The following NLN variants were observed in gnomAD, a reference collection of about 807,000 sequenced individuals.
The protein encoded by NLN is neurolysin.
Under a neutral mutation model 79.9 loss-of-function variants are expected in NLN, and 64 were observed. That is an observed-to-expected ratio of 0.80 (90% CI 0.65 to 0.99). NLN has a LOEUF of 0.99. Among genes scored for constraint, NLN ranks in the 50% least tolerant of loss-of-function variants. NLN has a pLI of 0.00. For missense variants in NLN, 835 were observed against 858.7 expected, an observed-to-expected ratio of 0.97 and a Z score of 0.34; for synonymous variants, 267 against 296.6, an observed-to-expected ratio of 0.90 and a Z score of 1.02.
At chr5:65,771,376 G>A (rs991152541) in intron 3 of NLN, among the ~76,000 whole-genome samples, 6 of 152,230 alleles carry the variant, frequency 3.9e-5, no homozygotes, top group Admixed American at 6.5e-5. Context: ...CCATTTTGGC[G>A]AGAAAAATGT....
chr5:65,770,322 C>T (rs531878173), intron 3 of NLN, among the ~76,000 whole-genome samples: 1 of 152,120 alleles, frequency 6.6e-6, no homozygotes, highest in Non-Finnish European at 1.5e-5. Flanking sequence ...AGAACTACTA[C>T]AATCAATAAC....
chr5:65,748,055 G>T (rs1215120627), intron 1 of NLN, among the ~76,000 whole-genome samples: 2 of 152,216 alleles, frequency 1.3e-5, no homozygotes, highest in Non-Finnish European at 2.9e-5. Flanking sequence ...ACAAAAATTA[G>T]CTGGGCGTAG....
At chr5:65,809,476 T>G in intron 9 of NLN, 39 bp from the exon 10 acceptor site, 2 of 1,530,700 alleles carry the variant, frequency 1.3e-6, no homozygotes, top group Non-Finnish European at 1.8e-6. Flanking sequence ...TGTACTTTCA[T>G]TGAGTTCTTT....
chr5:65,803,824 C>T (rs1760347808), intron 9 of NLN, among the ~76,000 whole-genome samples: 1 of 152,178 alleles, frequency 6.6e-6, no homozygotes, highest in South Asian at 2.1e-4. Context: ...GACTTTTCTG[C>T]CTGTTCCTGG....
chr5:65,751,378 T>G (rs955213491), intron 1 of NLN, among the ~76,000 whole-genome samples: 3 of 152,244 alleles, frequency 2.0e-5, no homozygotes, highest in South Asian at 2.1e-4. Flanking sequence ...GTTGCTTTAA[T>G]GTTTTTGTCA....
intron 12 of NLN, among the ~76,000 whole-genome samples, chr5:65,818,166 T>G (rs922716839): frequency 3.9e-5 from 6 of 152,232 alleles, no homozygotes; most frequent in African/African-American, 1.4e-4. Context: ...CTTTGGGCTC[T>G]TACAGCCCTT....
chr5:65,731,658 C>A (rs1056218205), intron 1 of NLN, among the ~76,000 whole-genome samples: 1 of 150,444 alleles, frequency 6.6e-6, no homozygotes, highest in Non-Finnish European at 1.5e-5. Flanking sequence ...CAGTCTTTTC[C>A]TTTATGATTT....
At chr5:65,759,017 A>G (rs1579928434) in intron 2 of NLN, among the ~76,000 whole-genome samples, 191 bp downstream of exon 2, 1 of 152,244 alleles carries the variant, frequency 6.6e-6, no homozygotes, top group Non-Finnish European at 1.5e-5. Flanking sequence ...CTCTGATTAC[A>G]CTGCTCTCTG....
At chr5:65,771,210 C>T (rs893776510) in intron 3 of NLN, among the ~76,000 whole-genome samples, 2 of 152,160 alleles carry the variant, frequency 1.3e-5, no homozygotes, top group Non-Finnish European at 2.9e-5. Flanking sequence ...ACAAGGACTT[C>T]CTCATCCTTT....
chr5:65,734,772 A>G (rs1285014302), intron 1 of NLN, among the ~76,000 whole-genome samples: 2 of 152,194 alleles, frequency 1.3e-5, no homozygotes, highest in Non-Finnish European at 2.9e-5. Flanking sequence ...CCTGCTTGCT[A>G]CAATGTATAA....
chr5:65,808,191 A>G (rs983102344), intron 9 of NLN, among the ~76,000 whole-genome samples: 5 of 152,204 alleles, frequency 3.3e-5, no homozygotes, highest in Admixed American at 3.3e-4. Context: ...AATTATAATG[A>G]GAAATCAAGC....
rs772371405 is a variant in NLN, at chr5:65,780,236, C to T, written c.616C>T (p.Leu206Phe). 1.6e-5 allele frequency: 24 copies of T among 1,497,684 alleles called. No homozygotes were observed. The highest frequency in any genetic ancestry group is 2.1e-5 in the Non-Finnish European group (23 of 1,083,618). 92.8% of individuals were successfully genotyped at this position (1,497,684 alleles called of 1,614,324 possible). A position where few individuals can be genotyped will look rare whatever the true frequency, so the allele number is the denominator to read the frequency against. Residue 206 changes from leucine to phenylalanine, a missense_variant, in exon 5 of 13, where the codon CTC (leucine) becomes TTC (phenylalanine). Coordinates refer to ENST00000380985, the MANE Select transcript of NLN (RefSeq NM_020726.5). ...SELCIDFNKN[L>F]NEDDTFLVFS... ...GCTATGTATTGATTTTAACAAAAAC[C>T]TCAATGAGGATGATACCTTCCTTGT...
intron 3 of NLN, among the ~76,000 whole-genome samples, chr5:65,774,056 T>G (rs1168739691): frequency 7.8e-5 from 2 of 25,784 alleles, no homozygotes; most frequent in African/African-American, 1.5e-4. Context: ...GAATTCAAAG[T>G]TTTTTTTTTT....
chr5:65,777,389 G>A (rs776673490), intron 3 of NLN, 38 bp from the exon 4 acceptor site: 2 of 1,339,734 alleles, frequency 1.5e-6, no homozygotes, highest in Admixed American at 1.7e-5. Flanking sequence ...CCTGTGCACT[G>A]TTTCAACCGA....
intron 9 of NLN, chr5:65,809,098 A>G (rs1760484782): frequency 6.3e-6 from 1 of 159,694 alleles, no homozygotes; most frequent in Non-Finnish European, 1.4e-5. Context: ...GCATGGATTG[A>G]GTAAACAAAA....
intron 6 of NLN, among the ~76,000 whole-genome samples, chr5:65,782,008 A>G (rs955840048): frequency 1.3e-5 from 2 of 152,236 alleles, no homozygotes; most frequent in African/African-American, 4.8e-5. Flanking sequence ...TGGCATAGGA[A>G]AAGAATAACC....
intron 12 of NLN, among the ~76,000 whole-genome samples, chr5:65,820,775 C>T (rs570899033): frequency 1.3e-5 from 2 of 152,064 alleles, no homozygotes; most frequent in East Asian, 3.9e-4. Flanking sequence ...GGCACAGTAG[C>T]TCACACCTGT....
At chr5:65,750,753 A>G (rs1759085655) in intron 1 of NLN, among the ~76,000 whole-genome samples, 1 of 152,174 alleles carries the variant, frequency 6.6e-6, no homozygotes, top group South Asian at 2.1e-4. Flanking sequence ...GAGAAAAATA[A>G]AGAAAAAAAG....
At position 65,763,250 on chromosome 5, in the gene NLN, A is replaced by C. The variant is rs965205931; in HGVS notation, c.450+142A>C. ...AAAACCATAATGGGCATTATATAGTATTACATAATGTTAATTATATCGTTG... is the reference window on the plus strand; with the variant it reads ...AAAACCATAATGGGCATTATATAGTCTTACATAATGTTAATTATATCGTTG... On this transcript the variant is annotated intron_variant, in intron 3 of 12. Transcript: ENST00000380985. 5 of 672,078 alleles carry C rather than the reference A, an allele frequency of 7.4e-6. No individual in the cohort carries two copies. In the African/African-American group the frequency reaches 9.1e-5, roughly 12 times the overall value. 41.6% of individuals were successfully genotyped at this position (672,078 alleles called of 1,614,324 possible).
Sources: gnomAD v4.1 joint callset for allele counts (sites outside exome capture counted in the v4.1 genomes callset) on GRCh38, gnomAD v4.1.1 for gene constraint, MANE v1.5 for transcripts, NCBI Gene and HGNC (gene_info 2026-07-23, HGNC 2026-07-21) for gene names.